The following KLHL6 variants were observed in gnomAD, a reference collection of about 807,000 sequenced individuals.
The protein encoded by KLHL6 is kelch like family member 6, also known as kelch-like protein 6.
KLHL6 carries 41 observed loss-of-function variants against 58.6 expected under a neutral mutation model. The ratio of observed to expected loss-of-function variants is 0.70; its 90% CI spans 0.55 to 0.91. KLHL6 has a LOEUF of 0.91. KLHL6 is among the 40% of genes least tolerant of loss of function. The pLI, the probability that KLHL6 is intolerant of heterozygous loss-of-function variation, is 0.00. For synonymous variants in KLHL6, 338 were observed against 322.7 expected, an observed-to-expected ratio of 1.05 and a Z score of -0.51; for missense variants, 714 against 805.6, an observed-to-expected ratio of 0.89 and a Z score of 1.38.
At chr3:183,524,029 G>A (rs1711862742) in intron 2 of KLHL6, among the ~76,000 whole-genome samples, 1 of 152,188 alleles carries the variant, frequency 6.6e-6, no homozygotes, top group African/African-American at 2.4e-5. Flanking sequence ...CCAAAGTGCT[G>A]AGATTACAGG....
Position 183,494,206 on chromosome 3 carries a change from T to A in KLHL6, c.1223A>T (p.Asn408Ile), listed in dbSNP as rs1717654039. 3.7e-6 allele frequency: 6 copies of A among 1,614,124 alleles called. No homozygotes were observed. The East Asian group carries it at 1.3e-4, about 36-fold the overall frequency. ...INKWIQIEYL[N>I]IGRWRHKMVV... Reference sequence around the variant, plus strand: ...CATCTTATGCCTCCAGCGGCCTATGTTTAAATACTCAATCTGAATCCACTT... The same window carrying A: ...CATCTTATGCCTCCAGCGGCCTATGATTAAATACTCAATCTGAATCCACTT... The change falls in exon 5 of 7, where the codon AAC becomes ATC. Residue 408 changes from asparagine to isoleucine, a missense_variant. Coordinates refer to ENST00000341319, the MANE Select transcript of KLHL6 (RefSeq NM_130446.4).
In KLHL6 at chr3:183,492,096, C is replaced by G; in HGVS notation, c.1697G>C (p.Arg566Pro). ...GGCGATAACCTCGTTCTTCTCGTCCCGCCCGCCGGTGATGTAGAGCCGGTT... is the reference window on the plus strand; with the variant it reads ...GGCGATAACCTCGTTCTTCTCGTCCGGCCCGCCGGTGATGTAGAGCCGGTT... ...CNNRLYITGG[R>P]DEKNEVIATV... is the part of the protein sequence containing the mutation. The change falls in exon 7 of 7, where the codon CGG becomes CCG. Residue 566 changes from arginine (R) to proline (P), a missense_variant. This residue lies in a region of KLHL6 where 510 missense variants were observed against 629.7 expected (regional missense o/e 0.81). Coordinates refer to ENST00000341319, the MANE Select transcript of KLHL6 (RefSeq NM_130446.4). The surrounding 1 kb of genome is among the most constrained non-coding windows in gnomAD (Gnocchi z 5.9). 1 of 1,613,840 alleles carries G rather than the reference C, an allele frequency of 6.2e-7. No individual in the cohort carries two copies. Among genetic ancestry groups the G allele is most frequent in the Non-Finnish European group, 8.5e-7 (1 of 1,180,016 alleles).
rs567511380 is a variant in KLHL6 at position 183,491,271 on chromosome 3, G to A, written c.*656C>T. 3.3e-5 allele frequency: 5 copies of A among 152,212 alleles called. No homozygotes were observed. The highest frequency in any genetic ancestry group is 9.6e-5 in the African/African-American group (4 of 41,520). The allele number at this position is 152,212 out of a possible 1,614,324, so 9.4% of individuals were successfully genotyped here. A position where few individuals can be genotyped will look rare whatever the true frequency, so the allele number is the denominator to read the frequency against. The stretch of plus-strand genomic sequence containing the variant: ...ATTACAGGCGCCTGCCACTGCACGC[G>A]GCTAATTTTTGTATTTTTAGTAGAG... On this transcript the variant is annotated 3_prime_UTR_variant, in exon 7 of 7. Transcript: ENST00000341319.
At chr3:183,534,114 T>TTACTTTTAAAGTACTTTAAAAGTAAAG (rs1299514780) in intron 1 of KLHL6, among the ~76,000 whole-genome samples, 14 of 126,170 alleles carry the variant, frequency 1.1e-4, no homozygotes, top group South Asian at 4.8e-4. Context: ...TAAAAGTACT[T>TTACTTTTAAAGTACTTTAAAAGTAAAG]TACTTTTAAA....
chr3:183,508,553 T>G (rs746204095), intron 2 of KLHL6, 45 bp from the exon 3 acceptor site: 4 of 1,558,122 alleles, frequency 2.6e-6, no homozygotes, highest in Non-Finnish European at 3.5e-6. Context: ...AAATGGTGAG[T>G]CCACAAGGAG....
At chr3:183,551,793 G>A (rs1712924140) in intron 1 of KLHL6, among the ~76,000 whole-genome samples, 1 of 152,092 alleles carries the variant, frequency 6.6e-6, no homozygotes, top group East Asian at 1.9e-4. Context: ...ACAGGGTGGA[G>A]GAGGAAATAG....
Position 183,499,727 on chromosome 3 carries a change from A to G in KLHL6, c.1010T>C (p.Val337Ala). The part of the protein sequence containing the change: ...CTKDERFVAE[V>A]TCLDPLRRSR... ...GCGCCTCAGGGGGTCCAGGCAGGTC[A>G]CCTCTGCCACAAACCGTTCATCCTT... is the stretch of plus-strand genomic sequence containing the variant. The change falls in exon 4 of 7, where the codon GTG (valine) becomes GCG (alanine). Residue 337 changes from valine (V) to alanine (A), a missense_variant. Physicochemically the swap from Val to Ala is moderately conservative, Grantham distance 64. Coordinates refer to ENST00000341319, the MANE Select transcript of KLHL6 (RefSeq NM_130446.4). This position sits in a 1 kb window ranked among gnomAD's most constrained non-coding sequence, Gnocchi z 4.6. 1.2e-6 allele frequency: 2 copies of G among 1,611,020 alleles called. No individual in the cohort carries two copies. The highest frequency in any genetic ancestry group is 1.7e-6 in the Non-Finnish European group (2 of 1,178,828).
At chr3:183,551,192 A>G (rs1712904056) in intron 1 of KLHL6, among the ~76,000 whole-genome samples, 1 of 151,918 alleles carries the variant, frequency 6.6e-6, no homozygotes, top group East Asian at 1.9e-4. Context: ...TGTGCTTATC[A>G]GGGTAAGATG....
intron 1 of KLHL6, chr3:183,548,595 T>C (rs1323428400): frequency 1.3e-5 from 2 of 152,238 alleles, no homozygotes; most frequent in African/African-American, 2.4e-5. Flanking sequence ...AATGGGAAGG[T>C]TATTGTGAGC....
At chr3:183,521,669 T>C (rs1711764689) in intron 2 of KLHL6, 1 of 150,976 alleles carries the variant, frequency 6.6e-6, no homozygotes, top group African/African-American at 2.4e-5. Flanking sequence ...CATCTATACA[T>C]TGAGGGTAAA....
At chr3:183,548,409 G>C (rs942559602) in intron 1 of KLHL6, among the ~76,000 whole-genome samples, 1 of 152,052 alleles carries the variant, frequency 6.6e-6, no homozygotes, top group African/African-American at 2.4e-5. Flanking sequence ...GCATAGAAAA[G>C]CTTCCAGGCT....
intron 1 of KLHL6, chr3:183,549,013 G>C (rs1712820267): frequency 6.6e-6 from 1 of 151,682 alleles, no homozygotes; most frequent in Non-Finnish European, 1.5e-5. Flanking sequence ...GGGACAAGGG[G>C]AGGGAGAGCA....
intron 4 of KLHL6, among the ~76,000 whole-genome samples, chr3:183,494,884 G>T (rs1717673404): frequency 6.6e-6 from 1 of 152,094 alleles, no homozygotes; most frequent in Admixed American, 6.5e-5. Context: ...GCTCACAATA[G>T]ATCATTTGAG....
chr3:183,534,628 C>A (rs1712297403), intron 1 of KLHL6, among the ~76,000 whole-genome samples: 1 of 151,728 alleles, frequency 6.6e-6, no homozygotes, highest in African/African-American at 2.4e-5. Context: ...GTCTCAAACT[C>A]CTGGGCTCAG....
chr3:183,514,705 G>C (rs1327801062), intron 2 of KLHL6, among the ~76,000 whole-genome samples: 3 of 147,298 alleles, frequency 2.0e-5, no homozygotes, highest in Non-Finnish European at 4.5e-5. Flanking sequence ...TCTCTCTCTT[G>C]TTGCCCAGGC....
At chr3:183,550,541 T>C (rs1712876571) in intron 1 of KLHL6, among the ~76,000 whole-genome samples, 1 of 152,096 alleles carries the variant, frequency 6.6e-6, no homozygotes, top group African/African-American at 2.4e-5. Context: ...ACAGCTGTAA[T>C]CCCAGCAATT....
At position 183,495,080 on chromosome 3, in the gene KLHL6, A is replaced by G. The variant is rs935746412; in HGVS notation, c.1148-799T>C. ...AGACTACCACCAACTACTTAAAGCA[A>G]AGATTTACTTTTCAGACTTACATGT... On this transcript the variant is annotated intron_variant, in intron 4 of 6. Coordinates refer to ENST00000341319, the MANE Select transcript of KLHL6 (RefSeq NM_130446.4). Among the ~76,000 whole-genome samples, 3 of 152,234 alleles carry G rather than the reference A, an allele frequency of 2.0e-5. No homozygotes were observed. In the South Asian group the frequency reaches 6.2e-4, roughly 31 times the overall value.
Position 183,489,030 on chromosome 3 carries a change from G to A in KLHL6, c.*2897C>T, listed in dbSNP as rs756777361. ...TATTCTGAAGTAGTCCAGAAACTTG[G>A]GTCCTACATTTAGAATCAGGTTTAT... On this transcript the variant is annotated 3_prime_UTR_variant, in exon 7 of 7. Coordinates refer to ENST00000341319, the MANE Select transcript of KLHL6 (RefSeq NM_130446.4). The A allele has an allele frequency of 6.6e-6, 1 of 152,118 alleles. No individual in the cohort carries two copies. Among genetic ancestry groups the A allele is most frequent in the Non-Finnish European group, 1.5e-5 (1 of 68,018 alleles). The allele number at this position is 152,118 out of a possible 1,614,324, so 9.4% of individuals were successfully genotyped here. A position where few individuals can be genotyped will look rare whatever the true frequency, so the allele number is the denominator to read the frequency against.
intron 1 of KLHL6, among the ~76,000 whole-genome samples, chr3:183,551,779 T>C (rs1712923285): frequency 6.6e-6 from 1 of 152,194 alleles, no homozygotes; most frequent in African/African-American, 2.4e-5. Flanking sequence ...CTTTGGCGCA[T>C]GAGACAGGGT....
Sources: gnomAD v4.1 joint callset for allele counts (sites outside exome capture counted in the v4.1 genomes callset) on GRCh38, gnomAD v4.1.1 for gene constraint, gnomAD v4.1.1 regional missense constraint, Gnocchi (gnomAD v3.1) non-coding constraint, MANE v1.5 for transcripts, NCBI Gene and HGNC (gene_info 2026-07-23, HGNC 2026-07-21) for gene names.